The following SYNE1 variants were observed in gnomAD, a reference collection of about 807,000 sequenced individuals.
SYNE1 encodes the protein spectrin repeat containing nuclear envelope protein 1, also known as nesprin-1.
SYNE1 carries 616 observed loss-of-function variants against 1,111.0 expected under a neutral mutation model. The ratio of observed to expected loss-of-function variants is 0.55; its 90% CI spans 0.52 to 0.59. The LOEUF (loss-of-function observed/expected upper bound fraction) is 0.59, where lower values mean the gene tolerates loss of function less well. Among genes scored for constraint, SYNE1 ranks in the 20% least tolerant of loss-of-function variants. The pLI is 0.00. For missense variants in SYNE1, 10,006 were observed against 10,417.0 expected, an observed-to-expected ratio of 0.96 and a Z score of 1.72; for synonymous variants, 3,855 against 3,825.8, an observed-to-expected ratio of 1.01 and a Z score of -0.28.
chr6:152,365,756 G>A (rs374216474), intron 62 of SYNE1, among the ~76,000 whole-genome samples: 20 of 151,900 alleles, frequency 1.3e-4, no homozygotes, highest in South Asian at 4.2e-4. Context: ...CACTGCGCCC[G>A]GCCAGAAGGA....
Position 152,318,909 on chromosome 6 carries a change from A to G in SYNE1, c.16343T>C (p.Leu5448Pro). 6.2e-7 allele frequency: 1 copy of G among 1,614,202 alleles called. No homozygotes were observed. The highest frequency in any genetic ancestry group is 8.5e-7 in the Non-Finnish European group (1 of 1,180,044). ...AACTACATTATCTGTCTTCGCTTTC[A>G]GCTTAGTTAGAATAGTTGTGAGGTC... Reference protein sequence around the residue: ...AKDLTTILTKLKAKTDNVVQA... With the variant: ...AKDLTTILTKPKAKTDNVVQA... Residue 5448 changes from leucine (L) to proline (P), a missense_variant, in exon 85 of 146, where the codon CTG (leucine) becomes CCG (proline). Around this residue, in one of 7 missense-constraint regions of SYNE1, gnomAD observed 4,955 missense variants for 5,017.2 expected, o/e 0.99. Transcript: ENST00000367255.
At position 152,628,355 on chromosome 6, in the gene SYNE1, A is replaced by G; in HGVS notation, c.-24T>C. 1 of 1,613,644 alleles carries G rather than the reference A, an allele frequency of 6.2e-7. No individual in the cohort carries two copies. Among genetic ancestry groups the G allele is most frequent in the Non-Finnish European group, 8.5e-7 (1 of 1,179,568 alleles). On this transcript the variant is annotated 5_prime_UTR_variant, in exon 3 of 146. Coordinates refer to ENST00000367255, the MANE Select transcript of SYNE1 (RefSeq NM_182961.4). ...ATGGTCCCTCCGGAAGCACGAAGCCAACACCAAGAGACTCTTCACTGGAGG... is the reference window on the plus strand; with the variant it reads ...ATGGTCCCTCCGGAAGCACGAAGCCGACACCAAGAGACTCTTCACTGGAGG...
chr6:152,145,426 A>C, intron 137 of SYNE1: 2 of 1,486,236 alleles, frequency 1.3e-6, no homozygotes, highest in Non-Finnish European at 1.9e-6. Flanking sequence ...CAGATGTGCT[A>C]AGAGAGGAGG....
intron 3 of SYNE1, among the ~76,000 whole-genome samples, chr6:152,553,110 G>A (rs148726826): frequency 2.6e-5 from 4 of 152,158 alleles, no homozygotes; most frequent in South Asian, 2.1e-4. Context: ...TGCAATAACC[G>A]TATGAGAAAA....
intron 113 of SYNE1, 134 bp downstream of exon 113, chr6:152,231,982 T>C: frequency 1.6e-6 from 1 of 638,318 alleles, no homozygotes; most frequent in Non-Finnish European, 2.7e-6. Flanking sequence ...TTTTTCTTGC[T>C]ATTGAATTCC....
chr6:152,628,085 A>G (rs951676427), intron 3 of SYNE1, among the ~76,000 whole-genome samples, 180 bp downstream of exon 3: 3 of 145,928 alleles, frequency 2.1e-5, no homozygotes, highest in South Asian at 2.1e-4. Flanking sequence ...TTTTCCTTCT[A>G]TGTAATGAAT....
rs539559448 is a variant in SYNE1 at position 152,287,267 on chromosome 6, ATTC to A, written c.18013-3098_18013-3096del. On this transcript the variant is annotated intron_variant, in intron 95 of 145. Transcript: ENST00000367255. Reference sequence around the variant, plus strand: ...ATGTCCAGTGTAGAAAGAGGTGAAAATTCTTCTTTTTTTCACCCATTGTTTTGC... The same window carrying A: ...ATGTCCAGTGTAGAAAGAGGTGAAAATTCTTTTTTTCACCCATTGTTTTGC... Among the ~76,000 whole-genome samples the A allele has an allele frequency of 1.3e-4, 19 of 150,756 alleles. No individual in the cohort carries two copies. The East Asian group carries it at 3.6e-3, about 29-fold the overall frequency.
chr6:152,219,219 A>T, intron 119 of SYNE1, 34 bp from the exon 120 acceptor site: 1 of 1,600,192 alleles, frequency 6.2e-7, no homozygotes, highest in Non-Finnish European at 8.5e-7. Flanking sequence ...ACTCTGAAGC[A>T]TGTTGATACT....
intron 131 of SYNE1, 98 bp downstream of exon 131, chr6:152,164,065 T>C: frequency 6.5e-7 from 1 of 1,536,180 alleles, no homozygotes; most frequent in South Asian, 1.1e-5. Flanking sequence ...CCTGCTGACC[T>C]TCCATCTCCA....
At chr6:152,401,413 C>T (rs1296255853) in intron 46 of SYNE1, 72 bp from the exon 47 acceptor site, 1 of 1,457,680 alleles carries the variant, frequency 6.9e-7, no homozygotes, top group South Asian at 1.2e-5. Context: ...AAATTCTGTT[C>T]ACGTGCAGCT....
At chr6:152,135,935 T>C (rs2056974235) in intron 141 of SYNE1, among the ~76,000 whole-genome samples, 1 of 152,168 alleles carries the variant, frequency 6.6e-6, no homozygotes, top group South Asian at 2.1e-4. Context: ...CTGGTCACAA[T>C]GGCCTGTTTT....
intron 127 of SYNE1, among the ~76,000 whole-genome samples, chr6:152,195,977 T>C (rs150193129): frequency 6.6e-6 from 1 of 152,324 alleles, no homozygotes; most frequent in East Asian, 1.9e-4. Context: ...GATAAGCTGG[T>C]ACCGAAACCA....
At chr6:152,469,012 A>G (rs1286255020) in intron 16 of SYNE1, among the ~76,000 whole-genome samples, 1 of 152,134 alleles carries the variant, frequency 6.6e-6, no homozygotes, top group East Asian at 1.9e-4. Flanking sequence ...TCCTGGCCTC[A>G]AGTGACTCTT....
chr6:152,168,085 A>G (rs749241361), intron 130 of SYNE1: 2 of 780,840 alleles, frequency 2.6e-6, no homozygotes, highest in Non-Finnish European at 2.4e-6. Context: ...AGCTATGTAC[A>G]ATGGAAGAAA....
intron 21 of SYNE1, among the ~76,000 whole-genome samples, chr6:152,460,765 T>TTCCCTAGC (rs950087099): frequency 2.0e-5 from 3 of 148,138 alleles, no homozygotes; most frequent in African/African-American, 7.5e-5. Context: ...ATCCATCTAG[T>TTCCCTAGC]TCCCTGTACA....
At chr6:152,127,016 G>A (rs1246114102) in intron 145 of SYNE1, 6 of 152,182 alleles carry the variant, frequency 3.9e-5, no homozygotes, top group Non-Finnish European at 8.8e-5. Flanking sequence ...CTGCCCTTAT[G>A]TGTCTTGTCT....
chr6:152,196,190 G>T (rs2074066540), intron 127 of SYNE1, among the ~76,000 whole-genome samples: 1 of 152,070 alleles, frequency 6.6e-6, no homozygotes, highest in African/African-American at 2.4e-5. Flanking sequence ...CTCCCCTCTG[G>T]CCCAAGGTAG....
chr6:152,320,802 A>C (rs1432086682), intron 84 of SYNE1, among the ~76,000 whole-genome samples: 1 of 152,222 alleles, frequency 6.6e-6, no homozygotes, highest in African/African-American at 2.4e-5. Flanking sequence ...TTTAGGAAAT[A>C]ACTTCATCCC....
intron 46 of SYNE1, among the ~76,000 whole-genome samples, chr6:152,401,796 T>C (rs776964468): frequency 1.3e-5 from 2 of 152,222 alleles, no homozygotes; most frequent in African/African-American, 2.4e-5. Context: ...CTTTAAAATA[T>C]TGAGTGGGGC....
Sources: allele counts gnomAD v4.1 joint callset (sites outside exome capture counted in the v4.1 genomes callset), GRCh38; gene constraint gnomAD v4.1.1; regional missense constraint gnomAD v4.1.1; transcripts MANE v1.5; gene names NCBI Gene and HGNC (gene_info 2026-07-23, HGNC 2026-07-21).